SAFB2: variants seen among roughly 807,000 people sequenced by gnomAD.
SAFB2 encodes scaffold attachment factor B2.
Under a neutral mutation model 100.6 loss-of-function variants are expected in SAFB2, and 32 were observed. The ratio of observed to expected loss-of-function variants is 0.32; its 90% confidence interval spans 0.24 to 0.43. The LOEUF is 0.43. Ranked by LOEUF, SAFB2 falls within the 20% of genes least tolerant of loss-of-function variation. The pLI is 1.00. For synonymous variants in SAFB2, 500 were observed against 439.4 expected (o/e 1.14, Z -1.72); for missense variants, 1,185 against 1,163.4 (o/e 1.02, Z -0.27).
chr19:5,616,716 A>G (rs2053042034), intron 2 of SAFB2, among the ~76,000 whole-genome samples: 1 of 136,170 alleles, frequency 7.3e-6, no homozygotes, highest in Admixed American at 8.8e-5. Context: ...CAGCGGCACA[A>G]TCTCGGCTCA....
chr19:5,598,725 C>T (rs553756510), intron 13 of SAFB2, 68 bp downstream of exon 13: 268 of 1,403,072 alleles, frequency 1.9e-4, no homozygotes, highest in Non-Finnish European at 2.4e-4. Context: ...TTTCATAATG[C>T]GGATCAAACG....
At chr19:5,600,341 A>C in intron 11 of SAFB2, 81 bp from the exon 12 acceptor site, 1 of 1,558,522 alleles carries the variant, frequency 6.4e-7, no homozygotes, top group East Asian at 2.2e-5. Flanking sequence ...CGACTCACAC[A>C]TACTCAGACG....
chr19:5,587,528 T>A lies in SAFB2; in HGVS notation c.2706-129A>T. On this transcript the variant is annotated intron_variant, in intron 20 of 20. Coordinates refer to ENST00000252542, the MANE Select transcript of SAFB2 (RefSeq NM_014649.3). This position sits in a 1 kb window ranked among gnomAD's most constrained non-coding sequence, Gnocchi z 4.9. ...TTTTTCCAGGTGAGAAAAATCATCA[T>A]CGCACATTGTATTCCAGGTAACTCA... 2.0e-6 allele frequency: 3 copies of A among 1,474,202 alleles called. No individual in the cohort carries two copies. Among genetic ancestry groups the A allele is most frequent in the Non-Finnish European group, 2.7e-6 (3 of 1,106,950 alleles). 91.3% of individuals were successfully genotyped at this position (1,474,202 alleles called of 1,614,324 possible). A position where few individuals can be genotyped will look rare whatever the true frequency, so the allele number is the denominator to read the frequency against.
At chr19:5,617,606 G>C (rs2053059656) in intron 2 of SAFB2, among the ~76,000 whole-genome samples, 1 of 152,148 alleles carries the variant, frequency 6.6e-6, no homozygotes, top group South Asian at 2.1e-4. Flanking sequence ...CACAACCGGG[G>C]GGAATGGCTG....
chr19:5,613,759 G>C, intron 4 of SAFB2: 1 of 985,280 alleles, frequency 1.0e-6, no homozygotes, highest in Non-Finnish European at 1.2e-6. Flanking sequence ...TGCCCTGTCT[G>C]TACTGGGTGA....
At chr19:5,590,962 C>A (rs938550686) in intron 17 of SAFB2, among the ~76,000 whole-genome samples, 1 of 152,206 alleles carries the variant, frequency 6.6e-6, no homozygotes, top group African/African-American at 2.4e-5. Flanking sequence ...ACGCACGGGG[C>A]ACCCGCATGG....
At chr19:5,607,989 T>A (rs2052813271) in intron 9 of SAFB2, among the ~76,000 whole-genome samples, 1 of 152,206 alleles carries the variant, frequency 6.6e-6, no homozygotes, top group South Asian at 2.1e-4. Context: ...TACAAGTATA[T>A]CTCTTCTGAT....
chr19:5,594,279 A>C, intron 14 of SAFB2, 101 bp from the exon 15 acceptor site: 2 of 1,369,604 alleles, frequency 1.5e-6, no homozygotes, highest in Non-Finnish European at 1.9e-6. Context: ...GAAAAAAAAA[A>C]TGGATCCAAA....
intron 2 of SAFB2, 76 bp downstream of exon 2, chr19:5,621,233 G>T: frequency 1.0e-6 from 1 of 955,606 alleles, no homozygotes; most frequent in Non-Finnish European, 1.7e-6. Flanking sequence ...CAGCCTAGAA[G>T]GCGGGAAGAG....
intron 6 of SAFB2, 29 bp downstream of exon 6, chr19:5,612,511 C>T: frequency 6.2e-7 from 1 of 1,602,748 alleles, no homozygotes; most frequent in Admixed American, 1.7e-5. Context: ...ACTTTCAAAC[C>T]ATAACTGTCG....
intron 4 of SAFB2, 151 bp downstream of exon 4, chr19:5,615,981 C>T (rs1017663287): frequency 1.5e-6 from 1 of 662,042 alleles, no homozygotes; most frequent in Non-Finnish European, 2.6e-6. Flanking sequence ...AGCTACACAG[C>T]GTTTAAATGG....
At position 5,600,166 on chromosome 19, in the gene SAFB2, G is replaced by A. The variant is rs772629842; in HGVS notation, c.1654C>T (p.Pro552Ser). Residue 552 changes from proline (P) to serine (S), a missense_variant, in exon 12 of 21, where the codon CCC (proline) becomes TCC (serine). Pro to Ser is a moderately conservative substitution (Grantham distance 74). Around this residue, in one of 3 missense-constraint regions of SAFB2, gnomAD observed 740 missense variants for 687.1 expected, o/e 1.08. Coordinates refer to ENST00000252542, the MANE Select transcript of SAFB2 (RefSeq NM_014649.3). ...ACTCTAGACCGATTTGTAGGTCCGG[G>A]TTTCAGCTCATCCTGGTCTTTTTCT... is the stretch of plus-strand genomic sequence containing the variant. ...KEEKDQDELK[P>S]GPTNRSRVTK... 9.9e-6 allele frequency: 16 copies of A among 1,614,074 alleles called. No individual in the cohort carries two copies. Among genetic ancestry groups the A allele is most frequent in the Middle Eastern group, 1.6e-4 (1 of 6,062 alleles).
rs1452862902 is a variant in SAFB2, at chr19:5,587,713, C to A, written c.2693G>T (p.Gly898Val). ...PSGPGHMASR[G>V]GVAGRGGFAQ... ...CGACACACCTTACCCCGCCACTCCA[C>A]CGCGGCTTGCCATGTGCCCCGGCCC... Residue 898 changes from glycine (G) to valine (V), a missense_variant, in exon 20 of 21, where the codon GGT becomes GTT. Gly to Val is a moderately radical substitution (Grantham distance 109). Coordinates refer to ENST00000252542, the MANE Select transcript of SAFB2 (RefSeq NM_014649.3). The surrounding 1 kb of genome is among the most constrained non-coding windows in gnomAD (Gnocchi z 4.9). The A allele has an allele frequency of 3.9e-6, 6 of 1,551,606 alleles. No individual in the cohort carries two copies. Among genetic ancestry groups the A allele is most frequent in the Non-Finnish European group, 5.2e-6 (6 of 1,147,164 alleles).
Position 5,622,722 on chromosome 19 carries a change from G to T in SAFB2, c.-7C>A. ...CGGGCAGAGTCTCCGCCATCGTCGC[G>T]TTCCCGTCTTCGCCACCGACTCAGT... On this transcript the variant is annotated 5_prime_UTR_variant, in exon 1 of 21. Coordinates refer to ENST00000252542, the MANE Select transcript of SAFB2 (RefSeq NM_014649.3). The T allele has an allele frequency of 6.3e-7, 1 of 1,596,726 alleles. No individual in the cohort carries two copies. Among genetic ancestry groups the T allele is most frequent in the Non-Finnish European group, 8.5e-7 (1 of 1,175,584 alleles).
chr19:5,600,212 C>T lies in SAFB2; in HGVS notation c.1608G>A (p.Lys536=). ...TTTCTTCCTTCTTAATGTCTTCAGG[C>T]TTTTTTTCCTCCTTCTTCTCAATCT... The part of the protein sequence containing the change: ...EEKIEKKEEK[K]PEDIKKEEKD... Residue 536 remains lysine (K), a synonymous_variant, in exon 12 of 21, where the codon AAG becomes AAA. Coordinates refer to ENST00000252542, the MANE Select transcript of SAFB2 (RefSeq NM_014649.3). 6.2e-7 allele frequency: 1 copy of T among 1,613,492 alleles called. No individual in the cohort carries two copies.
chr19:5,616,084 G>A, intron 4 of SAFB2, 48 bp downstream of exon 4: 1 of 1,580,926 alleles, frequency 6.3e-7, no homozygotes, highest in Non-Finnish European at 8.7e-7. Context: ...CGAGCACCAG[G>A]TGCCTCGGGG....
chr19:5,599,183 C>A (rs1265728566), intron 12 of SAFB2, among the ~76,000 whole-genome samples: 1 of 152,152 alleles, frequency 6.6e-6, no homozygotes, highest in Non-Finnish European at 1.5e-5. Context: ...CGTGACCCTC[C>A]ACTCTAAACC....
Position 5,616,313 on chromosome 19 carries a change from T to C in SAFB2, c.362A>G (p.Glu121Gly). The change falls in exon 4 of 21, where the codon GAG (glutamate) becomes GGG (glycine). Residue 121 changes from glutamate to glycine, a missense_variant. Glu to Gly is a moderately conservative substitution (Grantham distance 98, BLOSUM62 -2). Coordinates refer to ENST00000252542, the MANE Select transcript of SAFB2 (RefSeq NM_014649.3). ...DGQEDMEASL[E>G]NLQNMGMMDM... is the part of the protein sequence containing the mutation. ...CATCATGCCCATATTCTGCAGGTTC[T>C]CCAGACTTGCTTCCATGTCCTCCTG... The C allele has an allele frequency of 6.2e-7, 1 of 1,614,220 alleles. No individual in the cohort carries two copies. Among genetic ancestry groups the C allele is most frequent in the Non-Finnish European group, 8.5e-7 (1 of 1,180,046 alleles).
chr19:5,606,341 A>G (rs1199251569), intron 9 of SAFB2, among the ~76,000 whole-genome samples: 5 of 152,240 alleles, frequency 3.3e-5, no homozygotes, highest in Non-Finnish European at 5.9e-5. Context: ...ATTACCAGGC[A>G]CAGGCTGGGC....
Sources: gnomAD v4.1 joint callset for allele counts (sites outside exome capture counted in the v4.1 genomes callset) on GRCh38, gnomAD v4.1.1 for gene constraint, gnomAD v4.1.1 regional missense constraint, Gnocchi (gnomAD v3.1) non-coding constraint, MANE v1.5 for transcripts, NCBI Gene and HGNC (gene_info 2026-07-23, HGNC 2026-07-21) for gene names.